The following BRD7 variants were observed in gnomAD, a reference collection of about 807,000 sequenced individuals.
BRD7 encodes the protein bromodomain-containing protein 7.
In BRD7, 15 loss-of-function variants were observed where a neutral mutation model predicts 82.1. The observed-to-expected ratio is 0.18, with a 90% confidence interval of 0.12 to 0.28. The LOEUF (loss-of-function observed/expected upper bound fraction) is 0.28. BRD7 is among the 10% of genes least tolerant of loss of function. The pLI, the probability that BRD7 is intolerant of heterozygous loss-of-function variation, is 1.00. For missense variants in BRD7, 638 were observed against 779.9 expected (o/e 0.82, Z 2.17); for synonymous variants, 232 against 266.9 (o/e 0.87, Z 1.27).
At chr16:50,342,144 G>C (rs1215475724) in intron 5 of BRD7, among the ~76,000 whole-genome samples, 1 of 151,860 alleles carries the variant, frequency 6.6e-6, no homozygotes, top group Admixed American at 6.6e-5. Context: ...TCTTCTTACT[G>C]TAAGAGAAAG....
At chr16:50,323,530 G>T in intron 12 of BRD7, 57 bp downstream of exon 12, 1 of 1,296,912 alleles carries the variant, frequency 7.7e-7, no homozygotes, top group South Asian at 1.2e-5. Context: ...TATACTGAAT[G>T]ACTAATGCTT....
At position 50,323,620 on chromosome 16, in the gene BRD7, T is replaced by G; in HGVS notation, c.1410A>C (p.Gly470=). ...ADSLLDVLTK[G]GHSRTLQEME... ...TCTCTTGTAGGGTCCTGGAATGCCC[T>G]CCTTTTGTTAAAACATCCAGTAAAC... The change falls in exon 12 of 17, where the codon GGA becomes GGC. Residue 470 remains glycine (G), a synonymous_variant. Transcript: ENST00000394688. 6.2e-7 allele frequency: 1 copy of G among 1,613,804 alleles called. No individual in the cohort carries two copies. The highest frequency in any genetic ancestry group is 1.1e-5 in the South Asian group (1 of 91,074).
intron 1 of BRD7, 72 bp from the exon 2 acceptor site, chr16:50,368,370 T>A: frequency 1.3e-6 from 2 of 1,494,306 alleles, no homozygotes; most frequent in Non-Finnish European, 1.8e-6. Flanking sequence ...GTGCTAAGGA[T>A]GCAGAGCGCC....
intron 7 of BRD7, among the ~76,000 whole-genome samples, chr16:50,333,964 T>A (rs553568134): frequency 3.9e-5 from 6 of 152,360 alleles, no homozygotes; most frequent in African/African-American, 1.2e-4. Flanking sequence ...AAAAAATTAG[T>A]TCTACCTCAA....
chr16:50,333,693 C>T lies in BRD7; in HGVS notation c.892G>A (p.Asp298Asn). Residue 298 changes from aspartate (D) to asparagine (N), a missense_variant, in exon 8 of 17, where the codon GAC becomes AAC. By Grantham distance (23) the Asp-to-Asn change is conservative. This residue lies in a region of BRD7 where 402 missense variants were observed against 500.8 expected (regional missense o/e 0.80). Coordinates refer to ENST00000394688, the MANE Select transcript of BRD7 (RefSeq NM_013263.5). ...KSPSKENKKKDKDMLEDKFKS... is the reference protein window; with the variant it reads ...KSPSKENKKKNKDMLEDKFKS... The stretch of plus-strand genomic sequence containing the variant: ...AACTTATCTTCAAGCATATCTTTGT[C>T]TTTCCTGAAAATATACATTAATACT... 2 of 1,564,432 alleles carry T rather than the reference C, an allele frequency of 1.3e-6. No individual in the cohort carries two copies. The highest frequency in any genetic ancestry group is 2.3e-5 in the East Asian group (1 of 44,400).
intron 8 of BRD7, among the ~76,000 whole-genome samples, chr16:50,329,970 C>A (rs1029040646): frequency 2.0e-5 from 3 of 152,124 alleles, no homozygotes; most frequent in Non-Finnish European, 4.4e-5. Flanking sequence ...CTTCCTCTTG[C>A]CACCCTCGAT....
intron 1 of BRD7, 189 bp from the exon 2 acceptor site, chr16:50,368,487 G>A (rs1440548921): frequency 1.3e-6 from 1 of 755,792 alleles, no homozygotes; most frequent in Admixed American, 3.1e-5. Context: ...AACGCTCCCA[G>A]GCCTCCCGGG....
At chr16:50,368,681 A>AGAGCCGCC in intron 1 of BRD7, 45 bp downstream of exon 1, 1 of 1,497,594 alleles carries the variant, frequency 6.7e-7, no homozygotes, top group South Asian at 1.2e-5. Flanking sequence ...GAAGCCCGGC[A>AGAGCCGCC]GAGCCGCCGA....
intron 8 of BRD7, among the ~76,000 whole-genome samples, chr16:50,329,564 G>C (rs554200699): frequency 1.3e-5 from 2 of 152,286 alleles, no homozygotes; most frequent in African/African-American, 4.8e-5. Context: ...CCACTTCCTC[G>C]TTGAGTGGTA....
At chr16:50,333,001 G>A (rs573954160) in intron 8 of BRD7, among the ~76,000 whole-genome samples, 5 of 152,046 alleles carry the variant, frequency 3.3e-5, no homozygotes, top group Non-Finnish European at 7.4e-5. Context: ...GGAGGGAAGG[G>A]GGCAAGGGTT....
chr16:50,354,511 T>C (rs1274003739), intron 3 of BRD7, 29 bp from the exon 4 acceptor site: 3 of 1,577,432 alleles, frequency 1.9e-6, no homozygotes, highest in Non-Finnish European at 2.6e-6. Flanking sequence ...GAAAAGGGTA[T>C]TTTAAAAAGG....
intron 4 of BRD7, among the ~76,000 whole-genome samples, chr16:50,353,909 T>C (rs1432007395): frequency 2.0e-5 from 3 of 152,140 alleles, no homozygotes; most frequent in African/African-American, 7.2e-5. Flanking sequence ...AAAATAAATA[T>C]TTTAATAAAG....
In BRD7 at chr16:50,368,124, C is replaced by T. The variant is rs772880403; in HGVS notation, c.224G>A (p.Gly75Glu). 1.9e-5 allele frequency: 30 copies of T among 1,613,890 alleles called. No individual in the cohort carries two copies. The highest frequency in any genetic ancestry group is 5.0e-5 in the Admixed American group (3 of 59,992). ...KRKKGEKQIP[G>E]EEKGRKRRRV... is the part of the protein sequence containing the mutation. ...TCTCCGTTTTCTCCCCTTTTCTTCC[C>T]CTGGAATCTGCTTCTCTCCTTTCTT... is the stretch of plus-strand genomic sequence containing the variant. Residue 75 changes from glycine (G) to glutamate (E), a missense_variant, in exon 2 of 17, where the codon GGG becomes GAG. Gly to Glu is a moderately conservative substitution (Grantham distance 98). Around this residue, in one of 3 missense-constraint regions of BRD7, gnomAD observed 172 missense variants for 155.3 expected, o/e 1.11. Coordinates refer to ENST00000394688, the MANE Select transcript of BRD7 (RefSeq NM_013263.5).
chr16:50,328,616 C>T (rs2037435772), intron 9 of BRD7, 53 bp downstream of exon 9: 24 of 1,506,888 alleles, frequency 1.6e-5, no homozygotes, highest in Non-Finnish European at 2.2e-5. Flanking sequence ...ACCCAGGTTA[C>T]TGTTCTCTGC....
chr16:50,320,279 G>C lies in BRD7; in HGVS notation c.1725C>G (p.Leu575=), dbSNP rs373486476. 8.7e-5 allele frequency: 140 copies of C among 1,614,036 alleles called. No homozygotes were observed. The highest frequency in any genetic ancestry group is 1.1e-4 in the Non-Finnish European group (135 of 1,180,024). ...STRPPPNMIC[L]LGPSYREMHL... ...GCATTTCTCTGTATGAGGGACCCAA[G>C]AGACAGATCATGTTCGGAGGGGGTC... Residue 575 remains leucine, a synonymous_variant, in exon 15 of 17, where the codon CTC becomes CTG. Transcript: ENST00000394688.
In BRD7 at chr16:50,320,396, G is replaced by A. The variant is rs1206868642; in HGVS notation, c.1613-5C>T. The stretch of plus-strand genomic sequence containing the variant: ...TCTTCTGGAATATTTCAGCTTCTGT[G>A]TGGTAAGAAAACAGACACACTTCTG... On this transcript the variant is annotated splice_region_variant and splice_polypyrimidine_tract_variant and intron_variant, in intron 14 of 16. Coordinates refer to ENST00000394688, the MANE Select transcript of BRD7 (RefSeq NM_013263.5). The A allele has an allele frequency of 5.0e-6, 8 of 1,612,484 alleles. No homozygotes were observed. The highest frequency in any genetic ancestry group is 4.0e-5 in the African/African-American group (3 of 74,766).
intron 2 of BRD7, among the ~76,000 whole-genome samples, chr16:50,361,164 G>C (rs894055694): frequency 6.6e-6 from 1 of 152,180 alleles, no homozygotes; most frequent in African/African-American, 2.4e-5. Flanking sequence ...ATTTAGAATA[G>C]TGTCTGGCAG....
intron 11 of BRD7, among the ~76,000 whole-genome samples, chr16:50,323,979 T>C (rs1435969688): frequency 1.3e-5 from 2 of 152,152 alleles, no homozygotes; most frequent in Non-Finnish European, 2.9e-5. Flanking sequence ...TCACTTCCTG[T>C]CTGCAGTGAT....
intron 2 of BRD7, among the ~76,000 whole-genome samples, chr16:50,365,796 T>C (rs2039120092): frequency 6.8e-6 from 1 of 146,556 alleles, no homozygotes; most frequent in Non-Finnish European, 1.5e-5. Context: ...AGAAAAAATA[T>C]GAGAAAAACA....
Sources: allele counts gnomAD v4.1 joint callset (sites outside exome capture counted in the v4.1 genomes callset), GRCh38; gene constraint gnomAD v4.1.1; regional missense constraint gnomAD v4.1.1; transcripts MANE v1.5; gene names NCBI Gene and HGNC (gene_info 2026-07-23, HGNC 2026-07-21).